Variants in NLRP12 observed in about 807,000 individuals in gnomAD.
The protein encoded by NLRP12 is NLR family pyrin domain containing 12.
In NLRP12, 108 loss-of-function variants were observed where a neutral mutation model predicts 91.2. The observed-to-expected ratio is 1.18, with a 90% CI of 1.01 to 1.39. NLRP12 has a LOEUF of 1.39. NLRP12 is among the 40% of genes most tolerant of loss of function. The pLI, the probability that NLRP12 is intolerant of heterozygous loss-of-function variation, is 0.00. For missense variants in NLRP12, 1,530 were observed against 1,352.7 expected (o/e 1.13, Z -2.06); for synonymous variants, 613 against 566.7 (o/e 1.08, Z -1.16).
At chr19:53,793,735 C>A (rs1600662429), downstream of NLRP12, 3 of 409,844 alleles carry the variant, frequency 7.3e-6, no homozygotes, top group Admixed American at 3.6e-5. Context: ...CAGGTGCCCG[C>A]CACCATGCCT....
At chr19:53,813,483 T>C (rs2092112510) in intron 2 of NLRP12, among the ~76,000 whole-genome samples, 1 of 151,472 alleles carries the variant, frequency 6.6e-6, no homozygotes, top group South Asian at 2.1e-4. Context: ...TTTGTATTTT[T>C]AGTAGAGACA....
At chr19:53,806,858 A>G (rs1365723577) in intron 4 of NLRP12, among the ~76,000 whole-genome samples, 5 of 84,334 alleles carry the variant, frequency 5.9e-5, no homozygotes, top group East Asian at 4.6e-4. Context: ...TCAGTGTCTC[A>G]AAAATTTAAA....
chr19:53,814,392 G>A (rs1220387090), intron 2 of NLRP12, among the ~76,000 whole-genome samples: 2 of 151,578 alleles, frequency 1.3e-5, no homozygotes, highest in African/African-American at 2.4e-5. Flanking sequence ...TCACTCTGTT[G>A]CCCAGGCTGG....
At chr19:53,803,343 G>A (rs2091904243) in intron 6 of NLRP12, among the ~76,000 whole-genome samples, 1 of 151,320 alleles carries the variant, frequency 6.6e-6, no homozygotes, top group Non-Finnish European at 1.5e-5. Context: ...CACCACGCCT[G>A]GCTAATTTTG....
chr19:53,822,977 A>G (rs1441227625), intron 1 of NLRP12, among the ~76,000 whole-genome samples: 5 of 151,524 alleles, frequency 3.3e-5, no homozygotes, highest in African/African-American at 1.2e-4. Context: ...TATGTTGGCC[A>G]GACTGATCTC....
At position 53,810,013 on chromosome 19, in the gene NLRP12, G is replaced by T; in HGVS notation, c.1646C>A (p.Ala549Glu). 1 of 1,614,056 alleles carries T rather than the reference G, an allele frequency of 6.2e-7. No homozygotes were observed. The highest frequency in any genetic ancestry group is 8.5e-7 in the Non-Finnish European group (1 of 1,180,028). The change falls in exon 3 of 10, where the codon GCG becomes GAG. Residue 549 changes from alanine (A) to glutamate (E), a missense_variant. Physicochemically the swap from Ala to Glu is moderately radical, Grantham distance 107. Coordinates refer to ENST00000324134, the MANE Select transcript of NLRP12 (RefSeq NM_144687.4). ...QDVTRLLTEY[A>E]FSERSFLALT... The stretch of plus-strand genomic sequence containing the variant: ...TGCCAGGAAGCTCCTTTCAGAAAAC[G>T]CGTACTCGGTCAACAGCCTGGTCAC...
intron 8 of NLRP12, among the ~76,000 whole-genome samples, chr19:53,796,339 C>T (rs140720231): frequency 0.011 from 1,659 of 152,086 alleles, 30 homozygotes; most frequent in African/African-American, 0.038. Context: ...GCAACCTCTG[C>T]CTCCCGGGTT....
At position 53,807,574 on chromosome 19, in the gene NLRP12, G is replaced by A. The variant is rs750852187; in HGVS notation, c.2164C>T (p.Arg722Ter). 1.8e-5 allele frequency: 29 copies of A among 1,613,940 alleles called. No individual in the cohort carries two copies. Among genetic ancestry groups the A allele is most frequent in the Admixed American group, 3.3e-5 (2 of 59,966 alleles). ...NPNLIELSLY[R>*]NALGSRGVKL... ...ACCCCCCGGCTGCCCAGGGCATTTC[G>A]GTACAGAGACAGCTCTATCAGGTTT... is the stretch of plus-strand genomic sequence containing the variant. Residue 722 changes from arginine to a stop codon, truncating the protein, a stop_gained, in exon 4 of 10, where the codon CGA (arginine) becomes TGA (stop). Transcript: ENST00000324134. LOFTEE classifies it high-confidence loss of function.
intron 9 of NLRP12, among the ~76,000 whole-genome samples, chr19:53,794,970 G>C (rs570823796): frequency 6.6e-6 from 1 of 151,866 alleles, no homozygotes; most frequent in South Asian, 2.1e-4. Flanking sequence ...TTTTTCTTGA[G>C]ACAAGTTCCT....
At position 53,807,616 on chromosome 19, in the gene NLRP12, C is replaced by T; in HGVS notation, c.2122G>A (p.Ala708Thr). The part of the protein sequence containing the change: ...LDAYSEHLAA[A>T]LCTNPNLIEL... ...ATCAGGTTTGGATTGGTGCACAGGG[C>T]CGCTGCCAGATGTTCACTGTAGGCG... The change falls in exon 4 of 10, where the codon GCC (alanine) becomes ACC (threonine). Residue 708 changes from alanine (A) to threonine (T), a missense_variant. Transcript: ENST00000324134. The T allele has an allele frequency of 1.2e-6, 2 of 1,614,136 alleles. No individual in the cohort carries two copies. The highest frequency in any genetic ancestry group is 1.1e-5 in the South Asian group (1 of 91,078).
At chr19:53,819,487 A>G (rs1325460500) in intron 1 of NLRP12, among the ~76,000 whole-genome samples, 9 of 104,142 alleles carry the variant, frequency 8.6e-5, no homozygotes, top group South Asian at 2.9e-4. Context: ...GTGTGTGTAT[A>G]TACATATGTG....
rs1411695855 is a variant in NLRP12, at chr19:53,809,887, AG to A, written c.1771del (p.Leu591CysfsTer40). 6.2e-7 allele frequency: 1 copy of A among 1,614,090 alleles called. No homozygotes were observed. Among genetic ancestry groups the A allele is most frequent in the South Asian group, 1.1e-5 (1 of 91,086 alleles). On this transcript the variant is annotated frameshift_variant, in exon 3 of 10. Transcript: ENST00000324134. LOFTEE classifies it high-confidence loss of function. ...WKVSPHIKMD[L>X]LQWIQSKAQS... ...AGCTTTGCTTTGGATCCACTGCAAC[AG>A]GTCCATCTTGATGTGCGGCGAGACC...
chr19:53,811,209 A>C lies in NLRP12; in HGVS notation c.450T>G (p.Cys150Trp), dbSNP rs1413719093. 2 of 1,613,932 alleles carry C rather than the reference A, an allele frequency of 1.2e-6. No homozygotes were observed. Among genetic ancestry groups the C allele is most frequent in the South Asian group, 1.1e-5 (1 of 91,082 alleles). Reference sequence around the variant, plus strand: ...GGGTGTACCGGTGGCTGAGGTTGACACATTCCCCTAGGCGCGCATTGCGGT... The same window carrying C: ...GGGTGTACCGGTGGCTGAGGTTGACCCATTCCCCTAGGCGCGCATTGCGGT... ...MEDRNARLGE[C>W]VNLSHRYTRL... Residue 150 changes from cysteine to tryptophan, a missense_variant, in exon 3 of 10, where the codon TGT becomes TGG. Cys to Trp is a radical substitution (Grantham distance 215). Coordinates refer to ENST00000324134, the MANE Select transcript of NLRP12 (RefSeq NM_144687.4).
intron 1 of NLRP12, 124 bp from the exon 2 acceptor site, chr19:53,815,112 G>A: frequency 1.3e-6 from 1 of 755,990 alleles, no homozygotes; most frequent in Non-Finnish European, 2.4e-6. Context: ...AGAATGTTCA[G>A]TAGTGACTGC....
In NLRP12 at chr19:53,794,149, G is replaced by A; in HGVS notation, c.3099-13C>T. On this transcript the variant is annotated splice_polypyrimidine_tract_variant and intron_variant, in intron 9 of 9. Transcript: ENST00000324134. ...CATCCCAAATAACCTGTGGACACAA[G>A]AGTTGATATTATTCCAGTGTACTAC... is the stretch of plus-strand genomic sequence containing the variant. 1 of 1,566,308 alleles carries A rather than the reference G, an allele frequency of 6.4e-7. No individual in the cohort carries two copies. Among genetic ancestry groups the A allele is most frequent in the South Asian group, 1.1e-5 (1 of 90,084 alleles).
intron 8 of NLRP12, among the ~76,000 whole-genome samples, chr19:53,797,140 T>A (rs75204837): frequency 3.5e-5 from 4 of 114,722 alleles, no homozygotes; most frequent in East Asian, 2.1e-4. Context: ...AATTATTATT[T>A]TTTTTTCTCG....
rs1199379245 is a variant in NLRP12, at chr19:53,819,453, A to ATGTGTG, written c.289+4432_289+4433insCACACA. 3.1e-3 allele frequency among the ~76,000 whole-genome samples: 24 copies of ATGTGTG among 7,626 alleles called. 2 individuals carry two copies. The highest frequency in any genetic ancestry group is 6.4e-3 in the South Asian group (2 of 312). The allele number at this position is 7,626 out of a possible 152,430, so 5.0% of individuals were successfully genotyped here. On this transcript the variant is annotated intron_variant, in intron 1 of 9. Coordinates refer to ENST00000324134, the MANE Select transcript of NLRP12 (RefSeq NM_144687.4). ...TATATATATATATATATATATATAT[A>ATGTGTG]TATATGTGTGTGTGTGTGTGTGTGT...
At chr19:53,796,345 G>T (rs554305988) in intron 8 of NLRP12, among the ~76,000 whole-genome samples, 10 of 151,518 alleles carry the variant, frequency 6.6e-5, no homozygotes, top group Non-Finnish European at 1.5e-4. Context: ...TCTGCCTCCC[G>T]GGTTCAAGTG....
rs767359058 is a variant in NLRP12 at position 53,809,838 on chromosome 19, C to G, written c.1821G>C (p.Gln607His). 3.7e-6 allele frequency: 6 copies of G among 1,614,030 alleles called. No individual in the cohort carries two copies. ...SKAQSDGSTL[Q>H]QGSLEFFSCL... ...AGCTGAAGAACTCCAAGGAGCCCTG[C>G]TGCAGGGTGGAGCCGTCGCTCTGAG... The change falls in exon 3 of 10, where the codon CAG becomes CAC. Residue 607 changes from glutamine (Q) to histidine (H), a missense_variant. Transcript: ENST00000324134.
Sources: gnomAD v4.1 joint callset for allele counts (sites outside exome capture counted in the v4.1 genomes callset) on GRCh38, gnomAD v4.1.1 for gene constraint, MANE v1.5 for transcripts, NCBI Gene and HGNC (gene_info 2026-07-23, HGNC 2026-07-21) for gene names.